The following ARHGEF3 variants were observed in gnomAD, a reference collection of about 807,000 sequenced individuals.
ARHGEF3 encodes the protein Rho guanine nucleotide exchange factor 3.
A neutral mutation model predicts 63.2 loss-of-function variants in ARHGEF3; 28 were observed. The ratio of observed to expected loss-of-function variants is 0.44; its 90% CI spans 0.33 to 0.61. ARHGEF3 has a LOEUF of 0.61. ARHGEF3 is among the 20% of genes least tolerant of loss of function. The pLI is 0.03. For synonymous variants in ARHGEF3, 266 were observed against 254.2 expected, an observed-to-expected ratio of 1.05 and a Z score of -0.44; for missense variants, 533 against 659.3, an observed-to-expected ratio of 0.81 and a Z score of 2.10.
chr3:56,772,752 C>T (rs552012649), intron 2 of ARHGEF3, among the ~76,000 whole-genome samples: 1 of 152,272 alleles, frequency 6.6e-6, no homozygotes, highest in East Asian at 1.9e-4. Flanking sequence ...TTAATGATTG[C>T]TAACTAAGGG....
chr3:56,817,550 G>T (rs1057455747), intron 4 of ARHGEF3, among the ~76,000 whole-genome samples: 4 of 152,326 alleles, frequency 2.6e-5, no homozygotes, highest in African/African-American at 9.6e-5. Flanking sequence ...GACTTGGGAA[G>T]TTCACACCTG....
At chr3:56,762,593 C>T (rs189125949) in intron 2 of ARHGEF3, among the ~76,000 whole-genome samples, 13 of 152,298 alleles carry the variant, frequency 8.5e-5, no homozygotes, top group East Asian at 5.8e-4. Flanking sequence ...GCCTGTTCAG[C>T]GGAGTCCTCC....
At chr3:56,887,042 C>T (rs183888574) in intron 3 of ARHGEF3, among the ~76,000 whole-genome samples, 6 of 152,320 alleles carry the variant, frequency 3.9e-5, no homozygotes, top group Non-Finnish European at 8.8e-5. Flanking sequence ...GTCTTCAAGA[C>T]CACAGCACAC....
intron 2 of ARHGEF3, among the ~76,000 whole-genome samples, chr3:57,023,392 G>A (rs1703339803): frequency 6.6e-6 from 1 of 152,120 alleles, no homozygotes; most frequent in Admixed American, 6.6e-5. Flanking sequence ...TCTCTCTCCT[G>A]GATGGCTACA....
intron 1 of ARHGEF3, among the ~76,000 whole-genome samples, chr3:57,038,116 C>T (rs1243340272): frequency 6.6e-6 from 1 of 152,146 alleles, no homozygotes; most frequent in Non-Finnish European, 1.5e-5. Flanking sequence ...TGGCAAAGGC[C>T]ACACAGGTAG....
chr3:56,841,163 A>C (rs1416334833), intron 4 of ARHGEF3, among the ~76,000 whole-genome samples: 2 of 152,214 alleles, frequency 1.3e-5, no homozygotes, highest in Admixed American at 1.3e-4. Flanking sequence ...TGAGACCCCT[A>C]GATTTGCCCA....
chr3:57,028,641 A>G (rs1703581427), intron 2 of ARHGEF3, among the ~76,000 whole-genome samples: 1 of 144,554 alleles, frequency 6.9e-6, no homozygotes, highest in African/African-American at 2.6e-5. Context: ...ATGTATACAT[A>G]TGTAACTAAC....
intron 4 of ARHGEF3, among the ~76,000 whole-genome samples, chr3:56,827,023 G>C (rs2038739278): frequency 6.6e-6 from 1 of 152,072 alleles, no homozygotes; most frequent in Non-Finnish European, 1.5e-5. Context: ...AAGAGAAGAA[G>C]ATGGGCCTTT....
intron 2 of ARHGEF3, among the ~76,000 whole-genome samples, chr3:56,767,353 C>T (rs1274053119): frequency 3.3e-5 from 5 of 151,750 alleles, no homozygotes; most frequent in Admixed American, 6.6e-5. Flanking sequence ...GAGGCTGAGG[C>T]GGGCAGATCA....
chr3:56,879,360 G>C (rs1413620965), intron 4 of ARHGEF3, among the ~76,000 whole-genome samples: 1 of 152,136 alleles, frequency 6.6e-6, no homozygotes, highest in Non-Finnish European at 1.5e-5. Context: ...TTAAGTCCCA[G>C]ATACATTTCT....
chr3:56,845,840 A>C (rs1373780669), intron 4 of ARHGEF3, among the ~76,000 whole-genome samples: 4 of 152,220 alleles, frequency 2.6e-5, no homozygotes, highest in Non-Finnish European at 5.9e-5. Context: ...GAAATGAATA[A>C]AGGTGTCTGG....
intron 4 of ARHGEF3, among the ~76,000 whole-genome samples, chr3:56,871,842 T>C (rs1237758814): frequency 6.6e-6 from 1 of 152,194 alleles, no homozygotes; most frequent in Non-Finnish European, 1.5e-5. Context: ...ACATCTTTAT[T>C]TTCACCAATG....
chr3:56,846,413 G>A, intron 4 of ARHGEF3, among the ~76,000 whole-genome samples: 1 of 152,102 alleles, frequency 6.6e-6, no homozygotes, highest in East Asian at 1.9e-4. Context: ...CAAGTAACAG[G>A]AATTAATCAT....
intron 6 of ARHGEF3, among the ~76,000 whole-genome samples, chr3:56,749,785 T>A (rs1203496036): frequency 6.6e-6 from 1 of 152,244 alleles, no homozygotes; most frequent in Admixed American, 6.5e-5. Context: ...ACCTTTGGGA[T>A]ATTTCAGCCT....
At chr3:57,007,667 C>T (rs1322553721) in intron 2 of ARHGEF3, among the ~76,000 whole-genome samples, 1 of 152,192 alleles carries the variant, frequency 6.6e-6, no homozygotes, top group African/African-American at 2.4e-5. Context: ...AACTCTGCTG[C>T]TCATGAGTCA....
rs1287121862 is a variant in ARHGEF3, at chr3:56,727,545, T to C, written c.*1725A>G. ...TAGGCCAACACTTGACAAACCTCTT[T>C]TCCCAACACACTGGCTGATGGCTTC... On this transcript the variant is annotated 3_prime_UTR_variant, in exon 10 of 10. Transcript: ENST00000296315. 7.2e-5 allele frequency: 11 copies of C among 152,670 alleles called. No homozygotes were observed. 9.5% of individuals were successfully genotyped at this position (152,670 alleles called of 1,614,324 possible). A position where few individuals can be genotyped will look rare whatever the true frequency, so the allele number is the denominator to read the frequency against.
intron 4 of ARHGEF3, among the ~76,000 whole-genome samples, chr3:56,871,023 T>TTATC (rs1466934368): frequency 3.3e-5 from 5 of 152,178 alleles, no homozygotes; most frequent in Non-Finnish European, 7.4e-5. Context: ...ACATATATAT[T>TTATC]TATCTATCTA....
At chr3:56,741,699 T>C (rs1428202434) in intron 7 of ARHGEF3, among the ~76,000 whole-genome samples, 1 of 151,276 alleles carries the variant, frequency 6.6e-6, no homozygotes, top group East Asian at 1.9e-4. Flanking sequence ...GAGACGGGGT[T>C]TCACTGTGTT....
chr3:56,826,755 G>C (rs755946792), intron 4 of ARHGEF3, among the ~76,000 whole-genome samples: 3 of 152,220 alleles, frequency 2.0e-5, no homozygotes, highest in Middle Eastern at 6.8e-3. Flanking sequence ...CAAAGTATCA[G>C]ACTAAAGGTC....
Sources: allele counts gnomAD v4.1 joint callset (sites outside exome capture counted in the v4.1 genomes callset), GRCh38; gene constraint gnomAD v4.1.1; transcripts MANE v1.5; gene names NCBI Gene and HGNC (gene_info 2026-07-23, HGNC 2026-07-21).